Variants in TENM1 observed in about 807,000 individuals in gnomAD.
TENM1 encodes the protein teneurin-1.
In TENM1, 35 loss-of-function variants were observed where a neutral mutation model predicts 174.8. The ratio of observed to expected loss-of-function variants is 0.20; its 90% CI spans 0.15 to 0.27. The LOEUF (loss-of-function observed/expected upper bound fraction) is 0.27, where lower values mean the gene tolerates loss of function less well. TENM1 is among the 10% of genes least tolerant of loss of function. TENM1 has a pLI of 1.00. For missense variants in TENM1, 1,633 were observed against 2,130.1 expected, an observed-to-expected ratio of 0.77 and a Z score of 4.59; for synonymous variants, 781 against 798.7, an observed-to-expected ratio of 0.98 and a Z score of 0.37.
At chrX:124,797,941 G>A (rs2055345598) in intron 3 of TENM1, among the ~76,000 whole-genome samples, 1 of 111,004 alleles carries the variant, frequency 9.0e-6, no homozygotes, top group African/African-American at 3.3e-5. Context: ...GTGAGAACAT[G>A]CAGTGTTTGG....
chrX:124,566,585 G>T (rs556766130), intron 11 of TENM1, among the ~76,000 whole-genome samples: 3 of 112,364 alleles, frequency 2.7e-5, no homozygotes, highest in African/African-American at 9.7e-5. Context: ...GGAAAAGAGG[G>T]TGTTCTGGAA....
At chrX:124,814,158 C>G (rs1366098114) in intron 3 of TENM1, among the ~76,000 whole-genome samples, 9 of 110,877 alleles carry the variant, frequency 8.1e-5, no homozygotes. Context: ...AGGTCTGAAT[C>G]CTTGCTATGT....
chrX:124,751,495 TTTA>T (rs751747161), intron 3 of TENM1, among the ~76,000 whole-genome samples: 1 of 110,894 alleles, frequency 9.0e-6, no homozygotes, highest in Non-Finnish European at 1.9e-5. Flanking sequence ...TTCATTTTAT[TTTA>T]TTATTATTAT....
the TENM1 span, among the ~76,000 whole-genome samples, chrX:125,179,142 C>T: frequency 9.0e-6 from 1 of 111,558 alleles, no homozygotes; most frequent in Admixed American, 9.5e-5. Context: ...TGTTGGCTCA[C>T]CAAACTCAAC....
intron 21 of TENM1, among the ~76,000 whole-genome samples, chrX:124,484,424 C>T (rs751971453): frequency 1.3e-4 from 14 of 111,904 alleles, no homozygotes; most frequent in African/African-American, 4.2e-4. Context: ...TATGCTCCAC[C>T]TCCTTGAGGG....
At chrX:124,758,168 A>C (rs2054314255) in intron 3 of TENM1, among the ~76,000 whole-genome samples, 1 of 112,007 alleles carries the variant, frequency 8.9e-6, no homozygotes, top group Admixed American at 9.5e-5. Flanking sequence ...GAAAAAACAA[A>C]ACAAAACAAA....
chrX:124,832,618 C>T (rs2056313332), intron 3 of TENM1, among the ~76,000 whole-genome samples: 1 of 112,445 alleles, frequency 8.9e-6, no homozygotes, highest in Non-Finnish European at 1.9e-5. Flanking sequence ...CTGGCTCTGT[C>T]ACCCAGGCTG....
chrX:124,627,502 G>A (rs1417429724), intron 11 of TENM1, among the ~76,000 whole-genome samples: 5 of 111,783 alleles, frequency 4.5e-5, no homozygotes, highest in Non-Finnish European at 7.5e-5. Context: ...CAGGCTCCGT[G>A]GCAGTTACAC....
At chrX:125,114,676 C>G in the TENM1 span, among the ~76,000 whole-genome samples, 1 of 111,082 alleles carries the variant, frequency 9.0e-6, no homozygotes, top group East Asian at 2.8e-4. Flanking sequence ...TACACCCTCC[C>G]AAGACTAAAC....
At chrX:124,548,022 G>C (rs775517197) in intron 14 of TENM1, among the ~76,000 whole-genome samples, 2 of 111,257 alleles carry the variant, frequency 1.8e-5, no homozygotes, top group African/African-American at 6.5e-5. Context: ...ATTTTTAGTA[G>C]AGACGGGGTT....
chrX:124,660,787 G>T (rs897994376), intron 6 of TENM1, among the ~76,000 whole-genome samples: 1 of 112,157 alleles, frequency 8.9e-6, no homozygotes, highest in Non-Finnish European at 1.9e-5. Flanking sequence ...AAATGGTGCA[G>T]TTGCTTTGGA....
chrX:124,976,869 G>A, the TENM1 span, among the ~76,000 whole-genome samples: 1 of 112,121 alleles, frequency 8.9e-6, no homozygotes. Flanking sequence ...CAGGAAATTT[G>A]CTGACTTCCT....
Position 124,811,547 on chromosome X carries a change from C to A in TENM1, c.536-74350G>T, listed in dbSNP as rs192627682. 8.3e-4 allele frequency among the ~76,000 whole-genome samples: 92 copies of A among 111,386 alleles called. 1 individual carries two copies. The highest frequency in any genetic ancestry group is 2.9e-3 in the African/African-American group (88 of 30,771). The stretch of plus-strand genomic sequence containing the variant: ...TGGCAAGGACGTGGAGAAAAGAAAA[C>A]CCTGACAAACTATTGGTGTGAATGC... On this transcript the variant is annotated intron_variant, in intron 3 of 31. Coordinates refer to ENST00000422452, the Ensembl canonical transcript of TENM1.
At chrX:124,974,378 T>G in the TENM1 span, among the ~76,000 whole-genome samples, 1 of 111,769 alleles carries the variant, frequency 8.9e-6, no homozygotes, top group Non-Finnish European at 1.9e-5. Flanking sequence ...TTAATCTACC[T>G]GTTCTATTAA....
At chrX:124,652,170 A>T in intron 7 of TENM1, 46 bp from the exon 11 acceptor site, 1 of 1,176,540 alleles carries the variant, frequency 8.5e-7, no homozygotes, top group Non-Finnish European at 1.1e-6. Flanking sequence ...TTTTTCTTCT[A>T]GACTGATAAA....
chrX:124,746,855 T>C (rs1047070283), intron 3 of TENM1, among the ~76,000 whole-genome samples: 1 of 110,744 alleles, frequency 9.0e-6, no homozygotes, highest in African/African-American at 3.3e-5. Flanking sequence ...AGGCCAGGGG[T>C]AGTGGCTCAG....
chrX:125,121,458 C>T, the TENM1 span, among the ~76,000 whole-genome samples: 1 of 112,155 alleles, frequency 8.9e-6, no homozygotes, highest in Non-Finnish European at 1.9e-5. Context: ...TTAATCTCTA[C>T]TGAAATACAG....
At chrX:125,026,454 A>G in the TENM1 span, among the ~76,000 whole-genome samples, 3 of 112,136 alleles carry the variant, frequency 2.7e-5, no homozygotes, top group African/African-American at 9.7e-5. Context: ...TTTTAAATGC[A>G]ACATTTATCA....
chrX:124,497,845 TATC>T (rs1322999221), intron 19 of TENM1, among the ~76,000 whole-genome samples: 5 of 111,991 alleles, frequency 4.5e-5, no homozygotes, highest in African/African-American at 1.6e-4. Flanking sequence ...CATATCGCAC[TATC>T]ATCAGTGCAG....
Sources: allele counts gnomAD v4.1 joint callset (sites outside exome capture counted in the v4.1 genomes callset), GRCh38; gene constraint gnomAD v4.1.1; transcripts MANE v1.5; gene names NCBI Gene and HGNC (gene_info 2026-07-23, HGNC 2026-07-21).